CNTNAP4: variants seen among roughly 807,000 people sequenced by gnomAD.
CNTNAP4 encodes contactin associated protein family member 4, also known as contactin-associated protein-like 4.
Under a neutral mutation model 148.4 loss-of-function variants are expected in CNTNAP4, and 98 were observed. The observed-to-expected ratio is 0.66, with a 90% CI of 0.56 to 0.78. The LOEUF (loss-of-function observed/expected upper bound fraction) is 0.78, where lower values mean the gene tolerates loss of function less well. Ranked by LOEUF, CNTNAP4 falls within the 30% of genes least tolerant of loss-of-function variation. The pLI is 0.00. For missense variants in CNTNAP4, 1,935 were observed against 1,565.6 expected (o/e 1.24, Z -3.98); for synonymous variants, 730 against 565.1 (o/e 1.29, Z -4.14).
At chr16:76,468,772 A>T (rs572807377) in intron 10 of CNTNAP4, among the ~76,000 whole-genome samples, 19 of 152,244 alleles carry the variant, frequency 1.2e-4, no homozygotes, top group Non-Finnish European at 1.3e-4. Flanking sequence ...AATAATAATT[A>T]ATAGTAATAA....
chr16:76,369,858 GGAGA>G lies in CNTNAP4; in HGVS notation c.390+14361_390+14364del, dbSNP rs111937036. On this transcript the variant is annotated intron_variant, in intron 3 of 23. Transcript: ENST00000611870. ...CCCTGTTTCAAAGAGAGGGAGGGAG[GGAGA>G]GAGAGAGAGAGAGGATTTGCCCTTT... 4.7e-5 allele frequency among the ~76,000 whole-genome samples: 7 copies of G among 150,254 alleles called. No individual in the cohort carries two copies. In the Admixed American group the frequency reaches 4.7e-4, roughly 10 times the overall value.
At chr16:76,424,128 A>G (rs539748181) in intron 3 of CNTNAP4, among the ~76,000 whole-genome samples, 3 of 152,176 alleles carry the variant, frequency 2.0e-5, no homozygotes, top group African/African-American at 4.8e-5. Context: ...CAAAATTTAA[A>G]TAGCTCATAA....
intron 2 of CNTNAP4, among the ~76,000 whole-genome samples, chr16:76,324,556 C>G (rs1468919815): frequency 6.6e-6 from 1 of 152,194 alleles, no homozygotes; most frequent in Admixed American, 6.5e-5. Flanking sequence ...ACAGCATAAT[C>G]TCTCAGGAAA....
intron 21 of CNTNAP4, among the ~76,000 whole-genome samples, chr16:76,550,922 T>C (rs1351956800): frequency 6.6e-6 from 1 of 152,150 alleles, no homozygotes; most frequent in Non-Finnish European, 1.5e-5. Context: ...CTTTGGGTAA[T>C]GAAGAAGAGC....
chr16:76,492,645 C>T (rs1158912620), intron 13 of CNTNAP4, among the ~76,000 whole-genome samples: 2 of 152,142 alleles, frequency 1.3e-5, no homozygotes, highest in Non-Finnish European at 2.9e-5. Context: ...GGGCAGTTTC[C>T]TCCATACTGT....
intron 3 of CNTNAP4, among the ~76,000 whole-genome samples, chr16:76,382,084 AAAAAG>A (rs2016039585): frequency 1.3e-5 from 2 of 151,456 alleles, no homozygotes; most frequent in South Asian, 4.1e-4. Context: ...AAAAAAAAAA[AAAAAG>A]AGAAAGTTAC....
At chr16:76,545,967 G>A (rs560647160) in intron 21 of CNTNAP4, among the ~76,000 whole-genome samples, 79 of 152,048 alleles carry the variant, frequency 5.2e-4, no homozygotes, top group African/African-American at 1.8e-3. Flanking sequence ...CCCGAGAGGC[G>A]GAGGTTGCGG....
At chr16:76,427,657 C>T in intron 4 of CNTNAP4, 58 bp downstream of exon 4, 2 of 1,442,118 alleles carry the variant, frequency 1.4e-6, no homozygotes, top group Non-Finnish European at 1.9e-6. Flanking sequence ...GTTTTAAAAG[C>T]CAAACTACAA....
chr16:76,433,172 A>G (rs1456880186), intron 4 of CNTNAP4, among the ~76,000 whole-genome samples: 1 of 152,096 alleles, frequency 6.6e-6, no homozygotes, highest in African/African-American at 2.4e-5. Flanking sequence ...CTGGATAAAG[A>G]CTAATAACAA....
intron 2 of CNTNAP4, among the ~76,000 whole-genome samples, chr16:76,336,656 T>C (rs900607510): frequency 6.6e-6 from 1 of 152,222 alleles, no homozygotes; most frequent in South Asian, 2.1e-4. Context: ...ATATTCACAA[T>C]GCACATATAA....
chr16:76,514,728 T>C (rs1249531834), intron 15 of CNTNAP4, among the ~76,000 whole-genome samples: 9 of 110,404 alleles, frequency 8.2e-5, no homozygotes, highest in Non-Finnish European at 2.2e-5. Context: ...TTGAGGTTAA[T>C]AAATAGTTGA....
chr16:76,307,210 C>T lies in CNTNAP4; in HGVS notation c.86-9203C>T, dbSNP rs533694583. 5.3e-5 allele frequency among the ~76,000 whole-genome samples: 8 copies of T among 152,010 alleles called. No homozygotes were observed. The South Asian group carries it at 1.7e-3, about 32-fold the overall frequency. Reference sequence around the variant, plus strand: ...ATCGTAATTAATTTAAATTATGTTTCTAAGTGGAAAAACAGAGGATAATGA... The same window carrying T: ...ATCGTAATTAATTTAAATTATGTTTTTAAGTGGAAAAACAGAGGATAATGA... On this transcript the variant is annotated intron_variant, in intron 1 of 23. Coordinates refer to ENST00000611870, the MANE Select transcript of CNTNAP4 (RefSeq NM_033401.5).
chr16:76,423,536 A>G (rs1450645279), intron 3 of CNTNAP4, among the ~76,000 whole-genome samples: 4 of 152,338 alleles, frequency 2.6e-5, no homozygotes, highest in Non-Finnish European at 5.9e-5. Context: ...AAATCCATGC[A>G]TTCCTTTGTG....
intron 15 of CNTNAP4, among the ~76,000 whole-genome samples, chr16:76,501,340 C>G (rs1209107804): frequency 6.6e-6 from 1 of 152,206 alleles, no homozygotes; most frequent in Non-Finnish European, 1.5e-5. Flanking sequence ...GATCTTAACC[C>G]TGCAGGGACC....
At position 76,559,744 on chromosome 16, in the gene CNTNAP4, T is replaced by G. The variant is rs926327527; in HGVS notation, c.*1061T>G. Among the ~76,000 whole-genome samples the G allele has an allele frequency of 7.9e-5, 12 of 152,066 alleles. No homozygotes were observed. Among genetic ancestry groups the G allele is most frequent in the Non-Finnish European group, 1.6e-4 (11 of 68,010 alleles). On this transcript the variant is annotated 3_prime_UTR_variant, in exon 24 of 24. Transcript: ENST00000611870. ...TTACCAAAAAAGAGACAAATTGAAGTATAGAGCCCCATTTCCCATTCTGAA... is the reference window on the plus strand; with the variant it reads ...TTACCAAAAAAGAGACAAATTGAAGGATAGAGCCCCATTTCCCATTCTGAA...
intron 3 of CNTNAP4, among the ~76,000 whole-genome samples, chr16:76,405,845 C>T (rs2078582906): frequency 6.6e-6 from 1 of 151,806 alleles, no homozygotes; most frequent in Non-Finnish European, 1.5e-5. Flanking sequence ...AAGAATATGA[C>T]TTATAGAAAC....
intron 21 of CNTNAP4, among the ~76,000 whole-genome samples, chr16:76,541,433 T>C (rs1442499024): frequency 6.6e-6 from 1 of 152,252 alleles, no homozygotes; most frequent in Non-Finnish European, 1.5e-5. Context: ...AATTGAAAAG[T>C]AAATTTTAAT....
chr16:76,536,398 G>A (rs1441284475), intron 18 of CNTNAP4, among the ~76,000 whole-genome samples: 1 of 152,152 alleles, frequency 6.6e-6, no homozygotes, highest in East Asian at 1.9e-4. Context: ...GTTTCACCAT[G>A]TTGCCCAGGC....
intron 9 of CNTNAP4, among the ~76,000 whole-genome samples, chr16:76,466,298 A>G (rs1328611881): frequency 6.6e-6 from 1 of 152,182 alleles, no homozygotes; most frequent in East Asian, 1.9e-4. Flanking sequence ...GAGATTGTTA[A>G]TGGGTACAAA....
Sources: gnomAD v4.1 joint callset for allele counts (sites outside exome capture counted in the v4.1 genomes callset) on GRCh38, gnomAD v4.1.1 for gene constraint, MANE v1.5 for transcripts, NCBI Gene and HGNC (gene_info 2026-07-23, HGNC 2026-07-21) for gene names.